Variants in CRISP3 observed in about 807,000 individuals in gnomAD.
CRISP3 encodes the protein cysteine-rich secretory protein 3.
In CRISP3, 33 loss-of-function variants were observed where a neutral mutation model predicts 36.1. The ratio of observed to expected loss-of-function variants is 0.91; its 90% CI spans 0.69 to 1.22. The LOEUF is 1.22. CRISP3 is among the 50% of genes most tolerant of loss of function. The pLI, the probability that CRISP3 is intolerant of heterozygous loss-of-function variation, is 0.00. For missense variants in CRISP3, 330 were observed against 301.2 expected (o/e 1.10, Z -0.71); for synonymous variants, 117 against 104.6 (o/e 1.12, Z -0.72).
At chr6:49,733,037 T>A (rs982599405) in intron 6 of CRISP3, among the ~76,000 whole-genome samples, 158 bp downstream of exon 6, 6 of 152,210 alleles carry the variant, frequency 3.9e-5, no homozygotes, top group Non-Finnish European at 1.5e-5. Flanking sequence ...GAAAACTTTA[T>A]CTTTCTGAGA....
At chr6:49,742,583 G>A (rs9473649) in intron 1 of CRISP3, among the ~76,000 whole-genome samples, 14,674 of 140,750 alleles carry the variant, frequency 0.1, 782 homozygotes, top group South Asian at 0.19. Flanking sequence ...AGCGAGCCGA[G>A]AGTGTGCCAC....
chr6:49,735,315 T>G (rs1464392907), intron 4 of CRISP3, among the ~76,000 whole-genome samples, 189 bp downstream of exon 4: 2 of 152,158 alleles, frequency 1.3e-5, no homozygotes, highest in African/African-American at 4.8e-5. Flanking sequence ...ACGGTTTTTG[T>G]AAAATTTATT....
intron 1 of CRISP3, among the ~76,000 whole-genome samples, chr6:49,739,937 T>C (rs1192762101): frequency 6.6e-6 from 1 of 152,194 alleles, no homozygotes; most frequent in Non-Finnish European, 1.5e-5. Context: ...ACCTTTTATA[T>C]GGTTTTCTGT....
At chr6:49,735,362 T>C in intron 4 of CRISP3, 142 bp downstream of exon 4, 6 of 604,182 alleles carry the variant, frequency 9.9e-6, no homozygotes, top group Non-Finnish European at 1.7e-5. Flanking sequence ...CTCAGAGTTA[T>C]CTCTACATGT....
At chr6:49,735,797 G>A (rs968483313) in intron 3 of CRISP3, among the ~76,000 whole-genome samples, 2 of 152,008 alleles carry the variant, frequency 1.3e-5, no homozygotes, top group African/African-American at 4.8e-5. Context: ...CCTACCCTAA[G>A]TAATCAAAAA....
intron 6 of CRISP3, 23 bp from the exon 7 acceptor site, chr6:49,731,274 C>T (rs754503918): frequency 5.4e-6 from 8 of 1,488,740 alleles, no homozygotes; most frequent in Non-Finnish European, 7.4e-6. Context: ...ATAAAAATGT[C>T]AAATATTTTT....
intron 1 of CRISP3, among the ~76,000 whole-genome samples, chr6:49,741,164 A>C (rs1261060898): frequency 2.9e-5 from 4 of 137,744 alleles, no homozygotes; most frequent in Non-Finnish European, 4.9e-5. Flanking sequence ...AAAAAAAAAA[A>C]CAAAAAACGA....
At chr6:49,742,692 G>A (rs922910859) in intron 1 of CRISP3, among the ~76,000 whole-genome samples, 3 of 150,760 alleles carry the variant, frequency 2.0e-5, no homozygotes, top group Non-Finnish European at 3.0e-5. Context: ...AGAATTAATT[G>A]GGTTATCTTT....
intron 1 of CRISP3, among the ~76,000 whole-genome samples, chr6:49,742,548 C>G (rs1475192143): frequency 7.0e-6 from 1 of 142,914 alleles, no homozygotes; most frequent in African/African-American, 2.6e-5. Flanking sequence ...AGGAGAATTG[C>G]TTGAAACTAG....
At chr6:49,741,159 A>AAAC (rs1397671836) in intron 1 of CRISP3, among the ~76,000 whole-genome samples, 3 of 151,266 alleles carry the variant, frequency 2.0e-5, no homozygotes, top group Non-Finnish European at 2.9e-5. Flanking sequence ...ACCAAAAAAA[A>AAAC]AAAAACAAAA....
intron 1 of CRISP3, among the ~76,000 whole-genome samples, chr6:49,742,971 G>T (rs946338074): frequency 2.6e-5 from 4 of 152,156 alleles, no homozygotes; most frequent in Non-Finnish European, 5.9e-5. Flanking sequence ...TCACAGCACA[G>T]AAAAGTATTT....
At chr6:49,743,634 A>C (rs953068540) in intron 1 of CRISP3, among the ~76,000 whole-genome samples, 1 of 152,186 alleles carries the variant, frequency 6.6e-6, no homozygotes, top group Non-Finnish European at 1.5e-5. Context: ...CTGACTCTTC[A>C]GAATCACTTC....
chr6:49,739,740 G>A (rs147333167), intron 1 of CRISP3, among the ~76,000 whole-genome samples: 57 of 151,550 alleles, frequency 3.8e-4, no homozygotes, highest in African/African-American at 1.3e-3. Context: ...TAGTAGTAGC[G>A]TCACATAGAA....
intron 6 of CRISP3, among the ~76,000 whole-genome samples, chr6:49,732,245 G>T (rs1561906966): frequency 6.6e-6 from 1 of 152,100 alleles, no homozygotes; most frequent in South Asian, 2.1e-4. Flanking sequence ...GCATTTGGAG[G>T]CAGTCTCCCA....
At chr6:49,738,497 C>T (rs750748190) in intron 1 of CRISP3, among the ~76,000 whole-genome samples, 3 of 152,108 alleles carry the variant, frequency 2.0e-5, no homozygotes, top group African/African-American at 4.8e-5. Flanking sequence ...TTGGACTGAA[C>T]GTTAATAGAA....
chr6:49,738,268 G>A (rs1769110540), intron 1 of CRISP3, among the ~76,000 whole-genome samples: 7 of 152,026 alleles, frequency 4.6e-5, no homozygotes, highest in Admixed American at 2.6e-4. Flanking sequence ...TCATTTATAA[G>A]GGTTAAAACA....
chr6:49,737,004 A>G (rs1350971222), intron 2 of CRISP3, among the ~76,000 whole-genome samples: 1 of 152,114 alleles, frequency 6.6e-6, no homozygotes, highest in Admixed American at 6.5e-5. Flanking sequence ...CTCTAGTAAA[A>G]GAGTTTTATG....
chr6:49,731,223 G>A lies in CRISP3; in HGVS notation c.589C>T (p.Pro197Ser), dbSNP rs200563569. 1 of 1,608,386 alleles carries A rather than the reference G, an allele frequency of 6.2e-7. No individual in the cohort carries two copies. Among genetic ancestry groups the A allele is most frequent in the South Asian group, 1.1e-5 (1 of 89,684 alleles). ...AGNWANRLYV[P>S]YEQGAPCASC... ...GCACAAGGTGCTCCTTGTTCATAAG[G>A]GACATATAGTCTATTAGCCCAATTA... Residue 197 changes from proline to serine, a missense_variant, in exon 7 of 8, where the codon CCT (proline) becomes TCT (serine). Pro to Ser is a moderately conservative substitution (Grantham distance 74). Coordinates refer to ENST00000263045, the MANE Select transcript of CRISP3 (RefSeq NM_006061.4).
chr6:49,729,007 G>C (rs1768847975), intron 7 of CRISP3, 150 bp from the exon 8 acceptor site: 1 of 605,682 alleles, frequency 1.7e-6, no homozygotes, highest in Non-Finnish European at 2.7e-6. Flanking sequence ...TATCTTGAGG[G>C]ACACATAAGG....
Sources: allele counts gnomAD v4.1 joint callset (sites outside exome capture counted in the v4.1 genomes callset), GRCh38; gene constraint gnomAD v4.1.1; transcripts MANE v1.5; gene names NCBI Gene and HGNC (gene_info 2026-07-23, HGNC 2026-07-21).